Variants in LSAMP observed in about 807,000 individuals in gnomAD.
The protein encoded by LSAMP is limbic system-associated membrane protein.
A neutral mutation model predicts 38.6 loss-of-function variants in LSAMP; 7 were observed. That is an observed-to-expected ratio of 0.18 (90% CI 0.10 to 0.34). The LOEUF (loss-of-function observed/expected upper bound fraction) is 0.34, where lower values mean the gene tolerates loss of function less well. Ranked by LOEUF, LSAMP falls within the 10% of genes least tolerant of loss-of-function variation. LSAMP has a pLI of 1.00. For synonymous variants in LSAMP, 154 were observed against 166.8 expected, an observed-to-expected ratio of 0.92 and a Z score of 0.59; for missense variants, 313 against 420.0, an observed-to-expected ratio of 0.75 and a Z score of 2.23.
chr3:115,919,171 T>G (rs575610104), intron 3 of LSAMP, among the ~76,000 whole-genome samples: 2 of 152,256 alleles, frequency 1.3e-5, no homozygotes, highest in Non-Finnish European at 2.9e-5. Context: ...GGGTTGTCAA[T>G]AGGACATTCT....
intron 2 of LSAMP, among the ~76,000 whole-genome samples, chr3:116,035,812 G>A (rs925719324): frequency 7.2e-5 from 11 of 152,292 alleles, no homozygotes; most frequent in Admixed American, 1.3e-4. Context: ...GTCATTGGAC[G>A]TTGTGGAGAA....
In LSAMP at chr3:116,276,117, C is replaced by T. The variant is rs139839617; in HGVS notation, c.155+168760G>A. On this transcript the variant is annotated intron_variant, in intron 1 of 6. Transcript: ENST00000490035. ...ACAGGCTTTTTCTTGTTGGATGTTT[C>T]TTTATATTCTAATTGGTTTATACTT... Among the ~76,000 whole-genome samples the T allele has an allele frequency of 2.9e-3, 437 of 152,164 alleles. 1 individual carries two copies. Among genetic ancestry groups the T allele is most frequent in the African/African-American group, 1.0e-2 (415 of 41,512 alleles).
At chr3:116,017,441 T>C (rs1431484750) in intron 3 of LSAMP, among the ~76,000 whole-genome samples, 2 of 152,116 alleles carry the variant, frequency 1.3e-5, no homozygotes, top group Admixed American at 6.6e-5. Flanking sequence ...TATATTTACA[T>C]AGACATTTAA....
chr3:116,268,783 T>A (rs577251719), intron 1 of LSAMP, among the ~76,000 whole-genome samples: 21 of 152,222 alleles, frequency 1.4e-4, no homozygotes, highest in Non-Finnish European at 2.4e-4. Flanking sequence ...GTTGCTCATT[T>A]AAAAAAATAT....
At chr3:116,297,925 T>C (rs1259332155) in intron 1 of LSAMP, among the ~76,000 whole-genome samples, 1 of 152,192 alleles carries the variant, frequency 6.6e-6, no homozygotes, top group Non-Finnish European at 1.5e-5. Flanking sequence ...ACACCCTTTC[T>C]CCTCTTCCAG....
At chr3:116,110,507 C>T (rs554591413) in intron 1 of LSAMP, among the ~76,000 whole-genome samples, 3 of 152,084 alleles carry the variant, frequency 2.0e-5, no homozygotes, top group African/African-American at 4.8e-5. Flanking sequence ...ACGGATAAAA[C>T]GTGTCTCCTT....
intron 3 of LSAMP, among the ~76,000 whole-genome samples, chr3:115,991,598 T>G (rs1205820586): frequency 6.6e-6 from 1 of 152,016 alleles, no homozygotes; most frequent in Non-Finnish European, 1.5e-5. Context: ...TAAATCAGAG[T>G]AATCTTACAT....
At chr3:115,924,445 G>C (rs1389846755) in intron 3 of LSAMP, among the ~76,000 whole-genome samples, 3 of 152,130 alleles carry the variant, frequency 2.0e-5, no homozygotes, top group Admixed American at 2.0e-4. Context: ...GAATACATAG[G>C]GTCACAGAGA....
At chr3:116,036,367 C>A (rs752143239) in intron 2 of LSAMP, among the ~76,000 whole-genome samples, 1 of 152,056 alleles carries the variant, frequency 6.6e-6, no homozygotes, top group Non-Finnish European at 1.5e-5. Context: ...TATTTTCTGA[C>A]GAGTTATAGC....
At chr3:116,384,513 G>A (rs1236586570) in intron 1 of LSAMP, among the ~76,000 whole-genome samples, 3 of 152,028 alleles carry the variant, frequency 2.0e-5, no homozygotes, top group African/African-American at 7.3e-5. Context: ...CAGCACACTG[G>A]GGGTTGAGAA....
intron 2 of LSAMP, among the ~76,000 whole-genome samples, chr3:116,044,878 C>T (rs1941256030): frequency 6.6e-6 from 1 of 152,072 alleles, no homozygotes; most frequent in Non-Finnish European, 1.5e-5. Context: ...CTTCCTCCAG[C>T]AGTGGAAGAT....
chr3:115,815,815 G>GTA (rs1318559094), intron 6 of LSAMP, among the ~76,000 whole-genome samples: 1 of 152,204 alleles, frequency 6.6e-6, no homozygotes, highest in African/African-American at 2.4e-5. Flanking sequence ...CTGTTTCCAA[G>GTA]TATATATTCA....
chr3:116,015,507 G>A (rs1048090528), intron 3 of LSAMP, among the ~76,000 whole-genome samples: 1 of 152,060 alleles, frequency 6.6e-6, no homozygotes, highest in Non-Finnish European at 1.5e-5. Flanking sequence ...GAGAAAATAG[G>A]TCACATTTAA....
intron 1 of LSAMP, among the ~76,000 whole-genome samples, chr3:116,116,561 C>CA (rs1708751973): frequency 7.0e-6 from 1 of 143,790 alleles, no homozygotes; most frequent in Admixed American, 6.9e-5. Flanking sequence ...ATACAAAATA[C>CA]AAAAAACTAG....
At chr3:115,978,541 G>T (rs961446043) in intron 3 of LSAMP, among the ~76,000 whole-genome samples, 1 of 151,916 alleles carries the variant, frequency 6.6e-6, no homozygotes, top group African/African-American at 2.4e-5. Context: ...TTTAATGATA[G>T]TGACAAATTA....
At chr3:116,227,442 T>A (rs2046354210) in intron 1 of LSAMP, among the ~76,000 whole-genome samples, 1 of 152,220 alleles carries the variant, frequency 6.6e-6, no homozygotes, top group Non-Finnish European at 1.5e-5. Context: ...TACTATAAAC[T>A]TAGCACAATA....
At position 116,154,303 on chromosome 3, in the gene LSAMP, C is replaced by T. The variant is rs1013564168; in HGVS notation, c.156-67747G>A. On this transcript the variant is annotated intron_variant, in intron 1 of 6. Transcript: ENST00000490035. ...ATTATGCTACTTGGTACACTATGTA[C>T]CTTGACTAACTTAGAAAAGCATTTT... is the stretch of plus-strand genomic sequence containing the variant. Among the ~76,000 whole-genome samples the T allele has an allele frequency of 5.3e-5, 8 of 151,980 alleles. No homozygotes were observed. In the South Asian group the frequency reaches 6.2e-4, roughly 12 times the overall value.
intron 1 of LSAMP, among the ~76,000 whole-genome samples, chr3:116,302,591 A>G (rs1280852893): frequency 6.6e-6 from 1 of 152,218 alleles, no homozygotes; most frequent in Admixed American, 6.5e-5. Flanking sequence ...AATACCTTTC[A>G]CTAGAAATAT....
chr3:116,165,029 T>A (rs1232667044), intron 1 of LSAMP, among the ~76,000 whole-genome samples: 2 of 152,156 alleles, frequency 1.3e-5, no homozygotes, highest in Non-Finnish European at 2.9e-5. Flanking sequence ...CCAAGATACT[T>A]GATGTAAACA....
Sources: allele counts gnomAD v4.1 joint callset (sites outside exome capture counted in the v4.1 genomes callset), GRCh38; gene constraint gnomAD v4.1.1; transcripts MANE v1.5; gene names NCBI Gene and HGNC (gene_info 2026-07-23, HGNC 2026-07-21).